DNAJC3: variants seen among roughly 807,000 people sequenced by gnomAD.
The protein encoded by DNAJC3 is DnaJ heat shock protein family (Hsp40) member C3.
DNAJC3 carries 38 observed loss-of-function variants against 68.6 expected under a neutral mutation model. The observed-to-expected ratio is 0.55, with a 90% CI of 0.43 to 0.73. DNAJC3 has a LOEUF of 0.73. Among genes scored for constraint, DNAJC3 ranks in the 30% least tolerant of loss-of-function variants. The pLI, the probability that DNAJC3 is intolerant of heterozygous loss-of-function variation, is 0.00. For synonymous variants in DNAJC3, 203 were observed against 204.0 expected (o/e 1.00, Z 0.04); for missense variants, 526 against 591.9 (o/e 0.89, Z 1.16).
intron 9 of DNAJC3, among the ~76,000 whole-genome samples, chr13:95,780,843 C>T (rs1467981700): frequency 6.6e-6 from 1 of 152,136 alleles, no homozygotes; most frequent in Non-Finnish European, 1.5e-5. Context: ...AATGGTGGCC[C>T]GCGTCACAGT....
chr13:95,698,919 A>G (rs1456070312), intron 1 of DNAJC3, among the ~76,000 whole-genome samples: 1 of 152,242 alleles, frequency 6.6e-6, no homozygotes, highest in Non-Finnish European at 1.5e-5. Context: ...GTTTGCTTTT[A>G]TATCTGAAGG....
chr13:95,691,192 G>A (rs1880244710), intron 1 of DNAJC3, among the ~76,000 whole-genome samples: 1 of 151,232 alleles, frequency 6.6e-6, no homozygotes, highest in South Asian at 2.1e-4. Context: ...CAGGCAGGCG[G>A]CTGACCCCCC....
chr13:95,740,666 C>T (rs1188608801), intron 4 of DNAJC3, among the ~76,000 whole-genome samples: 3 of 152,134 alleles, frequency 2.0e-5, no homozygotes, highest in African/African-American at 7.2e-5. Flanking sequence ...CGCCCTGCTT[C>T]GGCTCGCGCA....
At chr13:95,748,203 A>G (rs922745807) in intron 4 of DNAJC3, among the ~76,000 whole-genome samples, 3 of 152,186 alleles carry the variant, frequency 2.0e-5, no homozygotes, top group African/African-American at 7.2e-5. Flanking sequence ...ATTTAATTCA[A>G]TTTAAATAGT....
At chr13:95,760,838 T>C in intron 7 of DNAJC3, 40 bp downstream of exon 7, 1 of 1,593,024 alleles carries the variant, frequency 6.3e-7, no homozygotes, top group South Asian at 1.1e-5. Flanking sequence ...CCATTCCTTA[T>C]GTGCGGGGCT....
chr13:95,698,408 G>C (rs149686045), intron 1 of DNAJC3, among the ~76,000 whole-genome samples: 1 of 152,184 alleles, frequency 6.6e-6, no homozygotes, highest in Non-Finnish European at 1.5e-5. Flanking sequence ...GAGATAGCTG[G>C]ATAGAGCTGG....
At chr13:95,715,771 G>A (rs1188309508) in intron 2 of DNAJC3, among the ~76,000 whole-genome samples, 1 of 151,898 alleles carries the variant, frequency 6.6e-6, no homozygotes, top group Non-Finnish European at 1.5e-5. Context: ...ACAGGCATGA[G>A]CCACTGCGCC....
At chr13:95,705,982 T>C (rs1328927997) in intron 1 of DNAJC3, among the ~76,000 whole-genome samples, 3 of 152,218 alleles carry the variant, frequency 2.0e-5, no homozygotes, top group Non-Finnish European at 4.4e-5. Context: ...CCCTCTCTCT[T>C]ATTATGCTAG....
At position 95,709,150 on chromosome 13, in the gene DNAJC3, A is replaced by G. The variant is rs3087337; in HGVS notation, c.83-77A>G. 6,169 of 1,053,256 alleles carry G rather than the reference A, an allele frequency of 5.9e-3. 95 individuals are homozygous for G. Among genetic ancestry groups the G allele is most frequent in the Middle Eastern group, 0.042 (135 of 3,214 alleles). 65.2% of individuals were successfully genotyped at this position (1,053,256 alleles called of 1,614,324 possible). A position where few individuals can be genotyped will look rare whatever the true frequency, so the allele number is the denominator to read the frequency against. On this transcript the variant is annotated intron_variant, in intron 1 of 11. Transcript: ENST00000602402. ...GAGTAGATGACTGAGACAGATAACT[A>G]TTTTTAATATTATATTTTTTAGAAT...
intron 4 of DNAJC3, among the ~76,000 whole-genome samples, chr13:95,733,280 CTAA>C (rs1456835582): frequency 6.6e-6 from 1 of 152,092 alleles, no homozygotes; most frequent in Non-Finnish European, 1.5e-5. Flanking sequence ...CCTTTTATAT[CTAA>C]TAATATTTGC....
chr13:95,682,034 G>T (rs1485446876), intron 1 of DNAJC3, among the ~76,000 whole-genome samples: 1 of 152,094 alleles, frequency 6.6e-6, no homozygotes, highest in East Asian at 1.9e-4. Context: ...TGAAAATGTT[G>T]CTCCTACAGT....
chr13:95,707,310 G>A (rs1362249660), intron 1 of DNAJC3, among the ~76,000 whole-genome samples: 1 of 152,128 alleles, frequency 6.6e-6, no homozygotes, highest in Non-Finnish European at 1.5e-5. Flanking sequence ...GTGGCTGGGG[G>A]CTTGGGGACC....
Position 95,760,761 on chromosome 13 carries a change from C to G in DNAJC3, c.811C>G (p.Leu271Val). Reference protein sequence around the residue: ...HYKQVKKLNKLIESAEELIRD... With the variant: ...HYKQVKKLNKVIESAEELIRD... ...TAAACAAGTAAAGAAACTTAATAAG[C>G]TGATTGAGTCAGCTGAAGAGCTCAT... Residue 271 changes from leucine (L) to valine (V), a missense_variant, in exon 7 of 12, where the codon CTG (leucine) becomes GTG (valine). Leu to Val is a conservative substitution (Grantham distance 32). Coordinates refer to ENST00000602402, the MANE Select transcript of DNAJC3 (RefSeq NM_006260.5). 1 of 1,612,264 alleles carries G rather than the reference C, an allele frequency of 6.2e-7. No homozygotes were observed. Among genetic ancestry groups the G allele is most frequent in the Non-Finnish European group, 8.5e-7 (1 of 1,179,172 alleles).
At chr13:95,735,464 A>T (rs1206604191) in intron 4 of DNAJC3, among the ~76,000 whole-genome samples, 1 of 139,220 alleles carries the variant, frequency 7.2e-6, no homozygotes, top group African/African-American at 2.8e-5. Context: ...CTATTTCTCC[A>T]CATCCTCTCC....
At chr13:95,720,265 T>G (rs1881281167) in intron 2 of DNAJC3, among the ~76,000 whole-genome samples, 1 of 152,216 alleles carries the variant, frequency 6.6e-6, no homozygotes, top group African/African-American at 2.4e-5. Flanking sequence ...TGGGGTTGTG[T>G]ACTTTAGGCC....
intron 1 of DNAJC3, among the ~76,000 whole-genome samples, chr13:95,678,645 A>C (rs914004222): frequency 2.6e-5 from 4 of 152,068 alleles, no homozygotes; most frequent in African/African-American, 9.7e-5. Context: ...ACCATCCCTC[A>C]TCTGTAGTAT....
intron 1 of DNAJC3, chr13:95,695,804 C>G (rs563045101): frequency 2.6e-5 from 4 of 152,186 alleles, no homozygotes; most frequent in African/African-American, 9.7e-5. Flanking sequence ...CCCGCTTCAC[C>G]GTCAACACTG....
chr13:95,741,548 G>A (rs746092237), intron 4 of DNAJC3, among the ~76,000 whole-genome samples: 6 of 152,282 alleles, frequency 3.9e-5, no homozygotes, highest in East Asian at 1.9e-4. Context: ...TTGGGCTTCC[G>A]GGTGGCCTAC....
chr13:95,775,891 C>T (rs1883277670), intron 9 of DNAJC3, among the ~76,000 whole-genome samples: 1 of 152,074 alleles, frequency 6.6e-6, no homozygotes, highest in Non-Finnish European at 1.5e-5. Flanking sequence ...GTCTCTCTGC[C>T]AGAAGAAACC....
Sources: allele counts gnomAD v4.1 joint callset (sites outside exome capture counted in the v4.1 genomes callset), GRCh38; gene constraint gnomAD v4.1.1; transcripts MANE v1.5; gene names NCBI Gene and HGNC (gene_info 2026-07-23, HGNC 2026-07-21).